The following GNAL variants were observed in gnomAD, a reference collection of about 807,000 sequenced individuals.
GNAL encodes the protein G protein subunit alpha L, also known as guanine nucleotide-binding protein G(olf) subunit alpha.
In GNAL, 18 loss-of-function variants were observed where a neutral mutation model predicts 55.1. The ratio of observed to expected loss-of-function variants is 0.33; its 90% CI spans 0.23 to 0.48. The LOEUF (loss-of-function observed/expected upper bound fraction) is 0.48, where lower values mean the gene tolerates loss of function less well. GNAL is among the 20% of genes least tolerant of loss of function. GNAL has a pLI of 0.99. For synonymous variants in GNAL, 253 were observed against 237.0 expected (o/e 1.07, Z -0.62); for missense variants, 412 against 614.1 (o/e 0.67, Z 3.48).
Position 11,718,679 on chromosome 18 carries a change from A to G in GNAL, c.376+28740A>G, listed in dbSNP as rs117656847. On this transcript the variant is annotated intron_variant, in intron 1 of 11. Transcript: ENST00000334049. ...TTCTAGCTAAGGTTTCAATCACTTT[A>G]CCTCCAGTGGATATTTGTTCTCAGT... is the stretch of plus-strand genomic sequence containing the variant. 9.0e-3 allele frequency among the ~76,000 whole-genome samples: 1,370 copies of G among 152,248 alleles called. 12 individuals carry two copies. Among genetic ancestry groups the G allele is most frequent in the Middle Eastern group, 0.02 (6 of 294 alleles).
intron 1 of GNAL, among the ~76,000 whole-genome samples, chr18:11,698,750 G>A (rs893240810): frequency 6.6e-6 from 1 of 152,096 alleles, no homozygotes; most frequent in African/African-American, 2.4e-5. Flanking sequence ...AAGAGAAGAG[G>A]GCAGGAGAGG....
rs3981355 is a variant in GNAL, at chr18:11,864,086, CTT to C, written c.778-429_778-428del. 1.9e-3 allele frequency among the ~76,000 whole-genome samples: 251 copies of C among 128,992 alleles called. 2 individuals carry two copies. Among genetic ancestry groups the C allele is most frequent in the African/African-American group, 6.1e-3 (205 of 33,378 alleles). The allele number at this position is 128,992 out of a possible 152,430, so 84.6% of individuals were successfully genotyped here. A position where few individuals can be genotyped will look rare whatever the true frequency, so the allele number is the denominator to read the frequency against. On this transcript the variant is annotated intron_variant, in intron 6 of 11. Transcript: ENST00000334049. The stretch of plus-strand genomic sequence containing the variant: ...AAAACAGAGAACATTCGTCTGAGTT[CTT>C]TTTTTTTTTTTTTTTTTGAGACGGA...
chr18:11,689,780 G>C lies in GNAL; in HGVS notation c.217G>C (p.Glu73Gln). 1.6e-5 allele frequency: 25 copies of C among 1,530,266 alleles called. No individual in the cohort carries two copies. Among genetic ancestry groups the C allele is most frequent in the Non-Finnish European group, 2.2e-5 (25 of 1,141,776 alleles). The allele number at this position is 1,530,266 out of a possible 1,614,324, so 94.8% of individuals were successfully genotyped here. A position where few individuals can be genotyped will look rare whatever the true frequency, so the allele number is the denominator to read the frequency against. The change falls in exon 1 of 12, where the codon GAG becomes CAG. Residue 73 changes from glutamate to glutamine, a missense_variant. Coordinates refer to ENST00000334049, the MANE Select transcript of GNAL (RefSeq NM_182978.4). The stretch of plus-strand genomic sequence containing the variant: ...TCGGCCCAAAGCAGACAAGCCGAAG[G>C]AGAAGCGGCAGCGCACCGAGCAGCT... ...CARPKADKPK[E>Q]KRQRTEQLSA...
chr18:11,821,775 G>C (rs867236503), intron 4 of GNAL, among the ~76,000 whole-genome samples: 23 of 152,222 alleles, frequency 1.5e-4, no homozygotes, highest in South Asian at 2.1e-4. Context: ...GCAGGAGGGA[G>C]CCGGGAGGTC....
chr18:11,806,731 C>CTTT (rs33956319), intron 4 of GNAL, among the ~76,000 whole-genome samples: 35 of 139,784 alleles, frequency 2.5e-4, no homozygotes, highest in African/African-American at 8.0e-4. Flanking sequence ...GTGAAGTACT[C>CTTT]TTTTTTTTTT....
chr18:11,768,659 C>T (rs2033491340), intron 4 of GNAL, among the ~76,000 whole-genome samples: 1 of 149,452 alleles, frequency 6.7e-6, no homozygotes, highest in Non-Finnish European at 1.5e-5. Context: ...CTTTGGGAGG[C>T]CGAGGCGGGC....
chr18:11,696,770 G>A (rs768912972), intron 1 of GNAL, among the ~76,000 whole-genome samples: 2 of 152,126 alleles, frequency 1.3e-5, no homozygotes, highest in Non-Finnish European at 2.9e-5. Context: ...CAACCCTCTC[G>A]TGTTTATTCA....
rs950654739 is a variant in GNAL at position 11,864,092 on chromosome 18, T to C, written c.778-441T>C. 3.3e-5 allele frequency among the ~76,000 whole-genome samples: 5 copies of C among 150,590 alleles called. No individual in the cohort carries two copies. In the South Asian group the frequency reaches 1.0e-3, roughly 32 times the overall value. On this transcript the variant is annotated intron_variant, in intron 6 of 11. Coordinates refer to ENST00000334049, the MANE Select transcript of GNAL (RefSeq NM_182978.4). ...GAGAACATTCGTCTGAGTTCTTTTT[T>C]TTTTTTTTTTTTTGAGACGGAGTCT...
chr18:11,740,071 T>TTATG (rs994717584), intron 1 of GNAL, among the ~76,000 whole-genome samples: 98 of 151,918 alleles, frequency 6.5e-4, no homozygotes, highest in Admixed American at 3.9e-4. Flanking sequence ...CCTTTTCTAT[T>TTATG]TATGTATTTA....
intron 1 of GNAL, among the ~76,000 whole-genome samples, chr18:11,744,778 A>G (rs1208394688): frequency 1.3e-5 from 2 of 152,246 alleles, no homozygotes; most frequent in African/African-American, 2.4e-5. Flanking sequence ...TGATGCAAAC[A>G]TGACTCACTG....
At chr18:11,879,747 A>G (rs1315120811) in intron 11 of GNAL, among the ~76,000 whole-genome samples, 1 of 152,064 alleles carries the variant, frequency 6.6e-6, no homozygotes. Context: ...ACATTAGCAC[A>G]TCACTGAGGT....
Position 11,751,733 on chromosome 18 carries a change from GT to G in GNAL, c.377-1119del. The G allele has an allele frequency of 1.1e-6, 1 of 876,534 alleles. No homozygotes were observed. Among genetic ancestry groups the G allele is most frequent in the Non-Finnish European group, 1.4e-6 (1 of 730,136 alleles). 54.3% of individuals were successfully genotyped at this position (876,534 alleles called of 1,614,324 possible). On this transcript the variant is annotated intron_variant, in intron 1 of 11. Coordinates refer to ENST00000334049, the MANE Select transcript of GNAL (RefSeq NM_182978.4). This position sits in a 1 kb window ranked among gnomAD's most constrained non-coding sequence, Gnocchi z 4.5. ...TAAGCGCCCCAGCCGGCCGGGCTCC[GT>G]GGGGGGTCAGCTCCCTGACCCCTAC...
At chr18:11,690,379 CCG>C (rs939046692) in intron 1 of GNAL, among the ~76,000 whole-genome samples, 27 of 152,278 alleles carry the variant, frequency 1.8e-4, no homozygotes, top group Non-Finnish European at 3.7e-4. Context: ...TTTAGCTTGA[CCG>C]CAAAGCTTTT....
At chr18:11,756,304 G>T (rs925839793) in intron 4 of GNAL, among the ~76,000 whole-genome samples, 1 of 152,110 alleles carries the variant, frequency 6.6e-6, no homozygotes, top group Non-Finnish European at 1.5e-5. Flanking sequence ...TGTATTTTCA[G>T]ATAGATAAAT....
chr18:11,704,280 C>T (rs976676213), intron 1 of GNAL, among the ~76,000 whole-genome samples: 1 of 152,200 alleles, frequency 6.6e-6, no homozygotes, highest in Non-Finnish European at 1.5e-5. Context: ...TAGGACACAG[C>T]CTGGATCACA....
intron 4 of GNAL, among the ~76,000 whole-genome samples, chr18:11,756,674 G>A (rs181582919): frequency 9.9e-4 from 150 of 152,074 alleles, no homozygotes; most frequent in Non-Finnish European, 6.2e-4. Context: ...ATTTCATAGT[G>A]CTTGGAAATA....
intron 5 of GNAL, among the ~76,000 whole-genome samples, chr18:11,826,019 T>C (rs373934375): frequency 2.0e-5 from 3 of 152,168 alleles, no homozygotes; most frequent in East Asian, 1.9e-4. Flanking sequence ...TTCATATACA[T>C]AGAAGAGATT....
intron 4 of GNAL, among the ~76,000 whole-genome samples, chr18:11,757,217 C>T (rs1198051476): frequency 1.2e-4 from 18 of 152,146 alleles, no homozygotes; most frequent in Admixed American, 1.2e-3. Context: ...TAACAGAAAG[C>T]AGGCAAATGT....
intron 1 of GNAL, among the ~76,000 whole-genome samples, chr18:11,709,722 AT>A (rs2031794533): frequency 6.6e-6 from 1 of 152,068 alleles, no homozygotes; most frequent in Admixed American, 6.5e-5. Flanking sequence ...ATATTTTTGT[AT>A]GTATAAGATC....
Sources: allele counts gnomAD v4.1 joint callset (sites outside exome capture counted in the v4.1 genomes callset), GRCh38; gene constraint gnomAD v4.1.1; non-coding constraint Gnocchi (gnomAD v3.1); transcripts MANE v1.5; gene names NCBI Gene and HGNC (gene_info 2026-07-23, HGNC 2026-07-21).